The following SDK1 variants were observed in gnomAD, a reference collection of about 807,000 sequenced individuals.
SDK1 encodes the protein sidekick cell adhesion molecule 1.
SDK1 carries 157 observed loss-of-function variants against 245.5 expected under a neutral mutation model. The ratio of observed to expected loss-of-function variants is 0.64; its 90% confidence interval spans 0.56 to 0.73. The LOEUF (loss-of-function observed/expected upper bound fraction) is 0.73, where lower values mean the gene tolerates loss of function less well. Among genes scored for constraint, SDK1 ranks in the 30% least tolerant of loss-of-function variants. The pLI is 0.00. For synonymous variants in SDK1, 1,647 were observed against 1,278.5 expected (o/e 1.29, Z -6.15); for missense variants, 3,583 against 3,002.3 (o/e 1.19, Z -4.52).
chr7:3,567,833 G>C (rs573883514), intron 1 of SDK1, among the ~76,000 whole-genome samples: 2 of 151,964 alleles, frequency 1.3e-5, no homozygotes, highest in African/African-American at 4.8e-5. Context: ...TTCTTCTAAG[G>C]CAGGGTCTTG....
chr7:3,677,910 C>G (rs889922466), intron 4 of SDK1, among the ~76,000 whole-genome samples: 1 of 152,102 alleles, frequency 6.6e-6, no homozygotes, highest in African/African-American at 2.4e-5. Context: ...AGGCTGATGT[C>G]CAGAATGTGT....
Position 3,672,757 on chromosome 7 carries a change from TTTTATA to T in SDK1, c.713+30654_713+30659del, listed in dbSNP as rs1431489613. On this transcript the variant is annotated intron_variant, in intron 4 of 44. Transcript: ENST00000404826. ...TAATATATATTTTTATAATATATAA[TTTTATA>T]TATATATATATATATATATATATAT... is the stretch of plus-strand genomic sequence containing the variant. 1.9e-3 allele frequency among the ~76,000 whole-genome samples: 47 copies of T among 24,468 alleles called. 2 individuals carry two copies. The highest frequency in any genetic ancestry group is 0.011 in the African/African-American group (43 of 4,034). The allele number at this position is 24,468 out of a possible 152,430, so 16.1% of individuals were successfully genotyped here.
chr7:3,520,871 T>A (rs1234930093), intron 1 of SDK1, among the ~76,000 whole-genome samples: 1 of 152,190 alleles, frequency 6.6e-6, no homozygotes, highest in East Asian at 1.9e-4. Flanking sequence ...TTTGCCATAA[T>A]AAATTACCAC....
At chr7:3,647,392 C>T (rs1583268327) in intron 4 of SDK1, among the ~76,000 whole-genome samples, 1 of 152,306 alleles carries the variant, frequency 6.6e-6, no homozygotes, top group East Asian at 1.9e-4. Context: ...GGGCCAGAGT[C>T]TCTTGCAGTT....
At position 4,017,167 on chromosome 7, in the gene SDK1, G is replaced by T. The variant is rs375357993; in HGVS notation, c.2421-4G>T. ...TATCGTGATGGGCTTCCTTCGTGGC[G>T]CAGGTACCGCCTGGCTGGCCTTCCC... On this transcript the variant is annotated splice_polypyrimidine_tract_variant and splice_region_variant and intron_variant, in intron 16 of 44. Transcript: ENST00000404826. The T allele has an allele frequency of 7.5e-6, 12 of 1,603,020 alleles. No individual in the cohort carries two copies. In the East Asian group the frequency reaches 2.0e-4, roughly 27 times the overall value.
intron 1 of SDK1, among the ~76,000 whole-genome samples, chr7:3,614,364 C>G (rs1314835142): frequency 6.6e-6 from 1 of 152,160 alleles, no homozygotes; most frequent in Admixed American, 6.5e-5. Context: ...CTAACGTCTG[C>G]TCATTTTCCT....
intron 35 of SDK1, among the ~76,000 whole-genome samples, chr7:4,179,880 C>G (rs1442535417): frequency 6.6e-6 from 1 of 151,720 alleles, no homozygotes; most frequent in Non-Finnish European, 1.5e-5. Flanking sequence ...CCTGTGGCAT[C>G]GGGGGAGCAC....
intron 4 of SDK1, among the ~76,000 whole-genome samples, chr7:3,771,980 G>A (rs181946181): frequency 1.6e-4 from 25 of 152,084 alleles, no homozygotes; most frequent in East Asian, 9.6e-4. Flanking sequence ...TGTCTACTCC[G>A]TGTACTTCAT....
intron 22 of SDK1, among the ~76,000 whole-genome samples, chr7:4,090,335 G>A (rs932069560): frequency 2.0e-5 from 3 of 152,132 alleles, no homozygotes; most frequent in South Asian, 2.1e-4. Context: ...GGCAATGAGG[G>A]CACCAGTGAT....
At chr7:3,675,462 T>G (rs1783862728) in intron 4 of SDK1, among the ~76,000 whole-genome samples, 1 of 152,174 alleles carries the variant, frequency 6.6e-6, no homozygotes, top group Admixed American at 6.5e-5. Flanking sequence ...ATTTCCAGTT[T>G]CCTGTTTCAT....
chr7:3,375,383 T>C (rs1781329270), intron 1 of SDK1, among the ~76,000 whole-genome samples: 1 of 152,210 alleles, frequency 6.6e-6, no homozygotes, highest in Admixed American at 6.5e-5. Flanking sequence ...TCAATGTATT[T>C]CATTTTAAAG....
At position 4,233,017 on chromosome 7, in the gene SDK1, T is replaced by C. The variant is rs559594818; in HGVS notation, c.5828-238T>C. The C allele has an allele frequency of 9.8e-5, 42 of 429,790 alleles. No individual in the cohort carries two copies. The East Asian group carries it at 1.4e-3, about 14-fold the overall frequency. The allele number at this position is 429,790 out of a possible 1,614,324, so 26.6% of individuals were successfully genotyped here. A position where few individuals can be genotyped will look rare whatever the true frequency, so the allele number is the denominator to read the frequency against. On this transcript the variant is annotated intron_variant, in intron 40 of 44. Transcript: ENST00000404826. ...CGTTTCCCACTATGACCATTTCAAG[T>C]GTCCAGTTCAGTAGCATTGAGCACG...
At chr7:3,569,922 T>C (rs921406572) in intron 1 of SDK1, among the ~76,000 whole-genome samples, 7 of 152,176 alleles carry the variant, frequency 4.6e-5, no homozygotes, top group African/African-American at 1.7e-4. Flanking sequence ...TAAACCACCA[T>C]CTCCTTTTCC....
rs774227106 is a variant in SDK1 at position 4,205,922 on chromosome 7, G to A, written c.5142G>A (p.Thr1714=). ...AGAACGTGCAGGTGACCCCACTCAC[G>A]GCCAGCCAGCTGGAGGTCACGTGGG... ...APQNVQVTPL[T]ASQLEVTWDP... The change falls in exon 36 of 45, where the codon ACG becomes ACA. Residue 1714 remains threonine, a synonymous_variant. Coordinates refer to ENST00000404826, the MANE Select transcript of SDK1 (RefSeq NM_152744.4). 6.5e-5 allele frequency: 101 copies of A among 1,561,136 alleles called. No individual in the cohort carries two copies. In the Admixed American group the frequency reaches 7.4e-4, roughly 11 times the overall value.
intron 1 of SDK1, among the ~76,000 whole-genome samples, chr7:3,600,254 T>G (rs1483329688): frequency 3.3e-5 from 5 of 152,250 alleles, no homozygotes. Flanking sequence ...ATTGATTTTG[T>G]GTGTTGATCT....
intron 17 of SDK1, among the ~76,000 whole-genome samples, chr7:4,018,879 G>T (rs1464828954): frequency 6.6e-6 from 1 of 152,178 alleles, no homozygotes; most frequent in Non-Finnish European, 1.5e-5. Context: ...GAGAATGGCA[G>T]CAGGGACTCT....
chr7:3,418,661 G>C (rs576362611), intron 1 of SDK1, among the ~76,000 whole-genome samples: 53 of 152,278 alleles, frequency 3.5e-4, no homozygotes, highest in Non-Finnish European at 6.9e-4. Flanking sequence ...GGTATTTATT[G>C]TTAAGACTTT....
intron 17 of SDK1, among the ~76,000 whole-genome samples, chr7:4,046,231 G>A (rs1200729895): frequency 1.3e-5 from 2 of 152,052 alleles, no homozygotes; most frequent in Non-Finnish European, 2.9e-5. Context: ...CGTGAGCCAT[G>A]AGCCACAGCA....
At chr7:4,002,904 G>C (rs1222838506) in intron 14 of SDK1, among the ~76,000 whole-genome samples, 2 of 152,240 alleles carry the variant, frequency 1.3e-5, no homozygotes, top group African/African-American at 4.8e-5. Flanking sequence ...AGGTCGCTCT[G>C]TTCATCTTTC....
Sources: allele counts gnomAD v4.1 joint callset (sites outside exome capture counted in the v4.1 genomes callset), GRCh38; gene constraint gnomAD v4.1.1; transcripts MANE v1.5; gene names NCBI Gene and HGNC (gene_info 2026-07-23, HGNC 2026-07-21).